Variants in ITGA8 observed in about 807,000 individuals in gnomAD.
ITGA8 encodes integrin alpha-8.
Under a neutral mutation model 142.3 loss-of-function variants are expected in ITGA8, and 91 were observed. That is an observed-to-expected ratio of 0.64 (90% CI 0.54 to 0.76). The LOEUF is 0.76. Ranked by LOEUF, ITGA8 falls within the 30% of genes least tolerant of loss-of-function variation. ITGA8 has a pLI of 0.00. For missense variants in ITGA8, 1,406 were observed against 1,327.7 expected, an observed-to-expected ratio of 1.06 and a Z score of -0.92; for synonymous variants, 505 against 485.2, an observed-to-expected ratio of 1.04 and a Z score of -0.54.
chr10:15,648,888 A>G (rs563355696), intron 11 of ITGA8, among the ~76,000 whole-genome samples: 1 of 152,354 alleles, frequency 6.6e-6, no homozygotes, highest in South Asian at 2.1e-4. Flanking sequence ...TCATTCCCTA[A>G]TAACTTACAA....
rs200910925 is a variant in ITGA8 at position 15,592,213 on chromosome 10, T to C, written c.2291+12A>G. On this transcript the variant is annotated intron_variant, in intron 22 of 29. Transcript: ENST00000378076. ...GACTGCTGTCAACGATATAGGCATG[T>C]AAAGGTCTAACCTTCTGATTTGGAG... 69 of 1,600,600 alleles carry C rather than the reference T, an allele frequency of 4.3e-5. No homozygotes were observed. The East Asian group carries it at 1.5e-3, about 35-fold the overall frequency.
intron 13 of ITGA8, 109 bp from the exon 14 acceptor site, chr10:15,616,668 G>A (rs1007505507): frequency 3.5e-6 from 3 of 861,732 alleles, no homozygotes; most frequent in African/African-American, 3.4e-5. Context: ...GATGGTACGA[G>A]AGCCACAAAA....
intron 2 of ITGA8, among the ~76,000 whole-genome samples, chr10:15,703,522 G>A (rs1835203229): frequency 6.6e-6 from 1 of 152,196 alleles, no homozygotes; most frequent in African/African-American, 2.4e-5. Context: ...TGGGAGTTGA[G>A]AAATGAAAGA....
chr10:15,708,951 G>A (rs1194939925), intron 2 of ITGA8, among the ~76,000 whole-genome samples: 1 of 152,134 alleles, frequency 6.6e-6, no homozygotes, highest in Non-Finnish European at 1.5e-5. Flanking sequence ...GTGTGAGCAA[G>A]AAATAAACCT....
chr10:15,525,220 C>G (rs1833148258), intron 28 of ITGA8, among the ~76,000 whole-genome samples: 1 of 152,030 alleles, frequency 6.6e-6, no homozygotes, highest in African/African-American at 2.4e-5. Flanking sequence ...TTATTAAACA[C>G]CCTATGTTCT....
intron 2 of ITGA8, among the ~76,000 whole-genome samples, chr10:15,690,539 G>A (rs1477330780): frequency 6.6e-6 from 1 of 152,108 alleles, no homozygotes; most frequent in Non-Finnish European, 1.5e-5. Context: ...AGGGGCTACA[G>A]TAGTTCAAAA....
At chr10:15,569,485 T>G (rs1436146926) in intron 25 of ITGA8, among the ~76,000 whole-genome samples, 5 of 152,240 alleles carry the variant, frequency 3.3e-5, no homozygotes, top group African/African-American at 1.2e-4. Flanking sequence ...GATTGGATAC[T>G]GGAATTGAAT....
chr10:15,605,796 G>T lies in ITGA8; in HGVS notation c.1903-5C>A. ...ACAGTCCACCAGAATGTGAGCCTGTGTTGTATAAACGCACGTCAGGAACAA... is the reference window on the plus strand; with the variant it reads ...ACAGTCCACCAGAATGTGAGCCTGTTTTGTATAAACGCACGTCAGGAACAA... On this transcript the variant is annotated splice_polypyrimidine_tract_variant and splice_region_variant and intron_variant, in intron 18 of 29. Transcript: ENST00000378076. 2 of 1,613,116 alleles carry T rather than the reference G, an allele frequency of 1.2e-6. No individual in the cohort carries two copies. The highest frequency in any genetic ancestry group is 1.7e-6 in the Non-Finnish European group (2 of 1,179,198).
At chr10:15,712,857 T>C (rs1835386972) in intron 2 of ITGA8, among the ~76,000 whole-genome samples, 1 of 152,202 alleles carries the variant, frequency 6.6e-6, no homozygotes, top group African/African-American at 2.4e-5. Flanking sequence ...TTTCAAGCCA[T>C]TTCTCCCAGC....
At chr10:15,618,165 A>G (rs1401717784) in intron 13 of ITGA8, among the ~76,000 whole-genome samples, 4 of 152,206 alleles carry the variant, frequency 2.6e-5, no homozygotes, top group African/African-American at 4.8e-5. Flanking sequence ...CTAGAAGCCT[A>G]AACCCCTTTA....
chr10:15,688,302 CAAAAA>C (rs35060475), intron 2 of ITGA8, among the ~76,000 whole-genome samples: 4 of 112,778 alleles, frequency 3.5e-5, no homozygotes, highest in Admixed American at 3.1e-4. Context: ...CAAAAAATAC[CAAAAA>C]AAAAAAAAAA....
chr10:15,565,573 A>ATTTTTTTTTTTTTTTTTTTTTTT (rs71374633), intron 25 of ITGA8, among the ~76,000 whole-genome samples: 6 of 34,782 alleles, frequency 1.7e-4, no homozygotes, highest in East Asian at 1.4e-3. Context: ...TCATGTCCTG[A>ATTTTTTTTTTTTTTTTTTTTTTT]TTTTTTTTTT....
intron 8 of ITGA8, among the ~76,000 whole-genome samples, chr10:15,670,892 G>T (rs572799495): frequency 6.6e-6 from 1 of 152,106 alleles, no homozygotes; most frequent in South Asian, 2.1e-4. Context: ...TTCAACACCC[G>T]CATTTTCTAC....
chr10:15,594,007 A>AT (rs1240827352), intron 21 of ITGA8, among the ~76,000 whole-genome samples: 9 of 151,818 alleles, frequency 5.9e-5, no homozygotes, highest in African/African-American at 2.2e-4. Flanking sequence ...ACACCCAGCA[A>AT]TTTTTTGTAT....
intron 26 of ITGA8, among the ~76,000 whole-genome samples, chr10:15,550,413 C>T (rs553525063): frequency 1.3e-5 from 2 of 152,190 alleles, no homozygotes; most frequent in Non-Finnish European, 2.9e-5. Flanking sequence ...TGCTTCACGG[C>T]TGACATGCTG....
chr10:15,719,840 G>GT lies in ITGA8; in HGVS notation c.-70_-69insA, dbSNP rs1835531766. On this transcript the variant is annotated 5_prime_UTR_variant, in exon 1 of 30. Coordinates refer to ENST00000378076, the MANE Select transcript of ITGA8 (RefSeq NM_003638.3). ...CGAGGACCCCTGCGGGGCAAGGGGG[G>GT]CTGGTGGAATCTGGCGGTCCCCAGC... 1.7e-6 allele frequency: 2 copies of GT among 1,176,604 alleles called. No individual in the cohort carries two copies. The highest frequency in any genetic ancestry group is 2.2e-6 in the Non-Finnish European group (2 of 918,178). 72.9% of individuals were successfully genotyped at this position (1,176,604 alleles called of 1,614,324 possible). A position where few individuals can be genotyped will look rare whatever the true frequency, so the allele number is the denominator to read the frequency against.
chr10:15,620,308 TACACACAC>T (rs4030584), intron 13 of ITGA8, among the ~76,000 whole-genome samples: 65,481 of 150,698 alleles, frequency 0.43, 14,228 homozygotes, highest in South Asian at 0.63. Flanking sequence ...GGTGTTGAGA[TACACACAC>T]ACACACACAC....
chr10:15,586,144 T>G (rs1044721316), intron 23 of ITGA8, among the ~76,000 whole-genome samples: 1 of 145,102 alleles, frequency 6.9e-6, no homozygotes, highest in African/African-American at 2.6e-5. Flanking sequence ...CTGCAACCTC[T>G]GCCTCCCGGG....
intron 27 of ITGA8, among the ~76,000 whole-genome samples, chr10:15,537,979 A>C (rs564384638): frequency 6.6e-6 from 1 of 152,182 alleles, no homozygotes; most frequent in Non-Finnish European, 1.5e-5. Context: ...AACAAAAAAA[A>C]AACACAAAAA....
Sources: gnomAD v4.1 joint callset for allele counts (sites outside exome capture counted in the v4.1 genomes callset) on GRCh38, gnomAD v4.1.1 for gene constraint, MANE v1.5 for transcripts, NCBI Gene and HGNC (gene_info 2026-07-23, HGNC 2026-07-21) for gene names.